Variants in PHF23 observed in about 807,000 individuals in gnomAD.
PHF23 encodes the protein PDH-containing protein JUNE-1.
In PHF23, 3 loss-of-function variants were observed where a neutral mutation model predicts 36.0. That is an observed-to-expected ratio of 0.08 (90% CI 0.04 to 0.22). The LOEUF is 0.22. Among genes scored for constraint, PHF23 ranks in the 10% least tolerant of loss-of-function variants. The pLI is 1.00. For synonymous variants in PHF23, 242 were observed against 192.5 expected, an observed-to-expected ratio of 1.26 and a Z score of -2.13; for missense variants, 475 against 513.6, an observed-to-expected ratio of 0.92 and a Z score of 0.73.
rs1277257868 is a variant in PHF23, at chr17:7,236,950, T to TC, written c.160-184dup. Among the ~76,000 whole-genome samples, 1 of 152,150 alleles carries TC rather than the reference T, an allele frequency of 6.6e-6. No homozygotes were observed. Among genetic ancestry groups the TC allele is most frequent in the Non-Finnish European group, 1.5e-5 (1 of 68,028 alleles). On this transcript the variant is annotated intron_variant, in intron 3 of 4. Transcript: ENST00000320316. This position sits in a 1 kb window ranked among gnomAD's most constrained non-coding sequence, Gnocchi z 5.1. ...CCCATCAGCATGTCCTCTTGACCAG[T>TC]CCGTGTTACCTCTACCCTCAAGTCT...
intron 1 of PHF23, chr17:7,238,439 C>G: frequency 3.7e-6 from 1 of 267,076 alleles, no homozygotes; most frequent in Non-Finnish European, 5.2e-6. Flanking sequence ...GCCCCCCCCT[C>G]CGCCCCCGTA....
In PHF23 at chr17:7,236,195, A is replaced by G. The variant is rs1394477135; in HGVS notation, c.732T>C (p.Asp244=). ...PPGPPQAPPS[D]TDSEEEEEEE... ...CTTCCTCCTCCTCTTCAGAGTCTGT[A>G]TCACTGGGGGGTGCCTGGGGAGGCC... Residue 244 remains aspartate (D), a synonymous_variant, in exon 4 of 5, where the codon GAT becomes GAC. Coordinates refer to ENST00000320316, the MANE Select transcript of PHF23 (RefSeq NM_024297.3). The surrounding 1 kb of genome is among the most constrained non-coding windows in gnomAD (Gnocchi z 5.1). 1.9e-6 allele frequency: 3 copies of G among 1,612,428 alleles called. No homozygotes were observed. The highest frequency in any genetic ancestry group is 2.5e-6 in the Non-Finnish European group (3 of 1,179,210).
rs772911899 is a variant in PHF23, at chr17:7,235,962, C to T, written c.965G>A (p.Arg322Gln). Residue 322 changes from arginine (R) to glutamine (Q), a missense_variant, in exon 4 of 5, where the codon CGG (arginine) becomes CAG (glutamine). Around this residue, in one of 5 missense-constraint regions of PHF23, gnomAD observed 40 missense variants for 111.0 expected, o/e 0.36. Coordinates refer to ENST00000320316, the MANE Select transcript of PHF23 (RefSeq NM_024297.3). ...GDASSSEGEM[R>Q]VMDEDIMVES... ...TACCATGATGTCCTCGTCCATGACCCGCATCTCGCCTTCACTGGAGCTGGC... is the reference window on the plus strand; with the variant it reads ...TACCATGATGTCCTCGTCCATGACCTGCATCTCGCCTTCACTGGAGCTGGC... 6 of 1,612,228 alleles carry T rather than the reference C, an allele frequency of 3.7e-6. No homozygotes were observed. The highest frequency in any genetic ancestry group is 1.3e-5 in the African/African-American group (1 of 74,930).
intron 1 of PHF23, chr17:7,239,013 A>G: frequency 6.9e-7 from 1 of 1,440,814 alleles, no homozygotes; most frequent in South Asian, 1.4e-5. Context: ...CCGGGTTTCA[A>G]GCTCCTATCC....
At chr17:7,239,122 GC>G in intron 1 of PHF23, 123 bp downstream of exon 1, 1 of 1,024,896 alleles carries the variant, frequency 9.8e-7, no homozygotes. Context: ...CACCTCCAGG[GC>G]CAGCCTCCCG....
intron 1 of PHF23, 65 bp downstream of exon 1, chr17:7,239,180 AG>A (rs1289838502): frequency 1.7e-6 from 2 of 1,192,722 alleles, no homozygotes; most frequent in African/African-American, 3.0e-5. Context: ...TCGACCTCCA[AG>A]TTTGCCAATT....
Position 7,237,680 on chromosome 17 carries a change from T to C in PHF23, c.35-20A>G, listed in dbSNP as rs749000270. 2.3e-5 allele frequency: 37 copies of C among 1,613,518 alleles called. No individual in the cohort carries two copies. The highest frequency in any genetic ancestry group is 3.1e-5 in the Non-Finnish European group (36 of 1,179,748). The stretch of plus-strand genomic sequence containing the variant: ...GTGGATCTGGAAAAGCAATAAAAGC[T>C]GAGTCAAGACACTAGGAACAATCTG... On this transcript the variant is annotated intron_variant, in intron 1 of 4. Coordinates refer to ENST00000320316, the MANE Select transcript of PHF23 (RefSeq NM_024297.3).
At chr17:7,239,588 A>G (rs1487432971), upstream of PHF23, 5 of 260,256 alleles carry the variant, frequency 1.9e-5, no homozygotes, top group Non-Finnish European at 3.8e-5. Context: ...CAGTGCACCA[A>G]GGGTTTTGTA....
upstream of PHF23, chr17:7,239,708 C>CG (rs1567584214): frequency 6.5e-6 from 1 of 153,786 alleles, no homozygotes; most frequent in African/African-American, 2.4e-5. Flanking sequence ...CCCCGGGGAG[C>CG]GGCGGGGAGA....
Position 7,236,068 on chromosome 17 carries a change from T to C in PHF23, c.859A>G (p.Thr287Ala), listed in dbSNP as rs1242106917. 1 of 1,613,898 alleles carries C rather than the reference T, an allele frequency of 6.2e-7. No individual in the cohort carries two copies. Among genetic ancestry groups the C allele is most frequent in the East Asian group, 2.2e-5 (1 of 44,882 alleles). The change falls in exon 4 of 5, where the codon ACA (threonine) becomes GCA (alanine). Residue 287 changes from threonine to alanine, a missense_variant. Physicochemically the swap from Thr to Ala is moderately conservative, Grantham distance 58 (BLOSUM62 0). Around this residue, in one of 5 missense-constraint regions of PHF23, gnomAD observed 350 missense variants for 319.8 expected, o/e 1.09. Transcript: ENST00000320316. The surrounding 1 kb of genome is among the most constrained non-coding windows in gnomAD (Gnocchi z 5.1). ...TPPEAPRPPA[T>A]VHPEGVPPAD... The stretch of plus-strand genomic sequence containing the variant: ...GGAGGGACTCCTTCAGGGTGCACTG[T>C]GGCAGGGGGCCTAGGAGCCTCAGGG...
chr17:7,237,506 C>T (rs780698257), intron 2 of PHF23, 29 bp from the exon 3 acceptor site: 2 of 1,608,780 alleles, frequency 1.2e-6, no homozygotes, highest in South Asian at 1.1e-5. Flanking sequence ...GGATCACATG[C>T]AAAGCCACAC....
At chr17:7,237,336 C>G in intron 3 of PHF23, 49 bp downstream of exon 3, 1 of 1,467,622 alleles carries the variant, frequency 6.8e-7, no homozygotes, top group Non-Finnish European at 9.5e-7. Context: ...AACAGTCACT[C>G]TATAGTCCCA....
In PHF23 at chr17:7,238,756, C is replaced by G. The variant is rs1244460692; in HGVS notation, c.34+490G>C. On this transcript the variant is annotated intron_variant, in intron 1 of 4. Transcript: ENST00000320316. ...CGTCTGCCGTAGACAATACCCAGAC[C>G]CCCTCTTCTCCCCACAACTACCTGC... 3 of 1,531,196 alleles carry G rather than the reference C, an allele frequency of 2.0e-6. No individual in the cohort carries two copies. In the African/African-American group the frequency reaches 4.2e-5, roughly 22 times the overall value. 94.9% of individuals were successfully genotyped at this position (1,531,196 alleles called of 1,614,324 possible).
At position 7,236,176 on chromosome 17, in the gene PHF23, C is replaced by T. The variant is rs762945945; in HGVS notation, c.751G>A (p.Glu251Lys). 4 of 1,611,758 alleles carry T rather than the reference C, an allele frequency of 2.5e-6. No homozygotes were observed. In the South Asian group the frequency reaches 3.3e-5, roughly 13 times the overall value. The change falls in exon 4 of 5, where the codon GAG becomes AAG. Residue 251 changes from glutamate (E) to lysine (K), a missense_variant. Physicochemically the swap from Glu to Lys is moderately conservative, Grantham distance 56. Coordinates refer to ENST00000320316, the MANE Select transcript of PHF23 (RefSeq NM_024297.3). This position sits in a 1 kb window ranked among gnomAD's most constrained non-coding sequence, Gnocchi z 5.1. ...PPSDTDSEEE[E>K]EEEEEEEEEE... ...TCTTCTTCCTCTTCCTCCTCTTCCTCCTCCTCTTCAGAGTCTGTATCACTG... is the reference window on the plus strand; with the variant it reads ...TCTTCTTCCTCTTCCTCCTCTTCCTTCTCCTCTTCAGAGTCTGTATCACTG...
Position 7,236,379 on chromosome 17 carries a change from C to T in PHF23, c.548G>A (p.Arg183Gln), listed in dbSNP as rs371347809. 26 of 1,613,992 alleles carry T rather than the reference C, an allele frequency of 1.6e-5. No homozygotes were observed. Among genetic ancestry groups the T allele is most frequent in the African/African-American group, 9.3e-5 (7 of 74,894 alleles). Reference sequence around the variant, plus strand: ...TCCTGGCCCCAACTTTCGGTTCTTTCGGTCCTTCTTTCGAGGAGGATGGGA... The same window carrying T: ...TCCTGGCCCCAACTTTCGGTTCTTTTGGTCCTTCTTTCGAGGAGGATGGGA... The part of the protein sequence containing the change: ...DLSHPPRKKD[R>Q]KNRKLGPGAG... The change falls in exon 4 of 5, where the codon CGA becomes CAA. Residue 183 changes from arginine (R) to glutamine (Q), a missense_variant. By Grantham distance (43) the Arg-to-Gln change is conservative. Transcript: ENST00000320316. The surrounding 1 kb of genome is among the most constrained non-coding windows in gnomAD (Gnocchi z 5.1).
In PHF23 at chr17:7,237,459, T is replaced by G; in HGVS notation, c.85A>C (p.Arg29=). The G allele has an allele frequency of 6.2e-7, 1 of 1,614,022 alleles. No homozygotes were observed. Among genetic ancestry groups the G allele is most frequent in the Non-Finnish European group, 8.5e-7 (1 of 1,179,976 alleles). The part of the protein sequence containing the change: ...PETQPPEKRR[R]TIEDFNKFCS... ...AATTTGTTGAAATCCTCAATTGTTC[T>G]CCGCCGTTTCTCTGGTGGCTGAAAG... is the stretch of plus-strand genomic sequence containing the variant. The change falls in exon 3 of 5, where the codon AGA becomes CGA. Residue 29 remains arginine, a synonymous_variant. Transcript: ENST00000320316.
rs1372670478 is a variant in PHF23, at chr17:7,235,422, T to C, written c.*204A>G. ...ACAGACAGCCTCCCATCCCCAACCGTAATGGATTCAATTTCAAGTCCACAG... is the reference window on the plus strand; with the variant it reads ...ACAGACAGCCTCCCATCCCCAACCGCAATGGATTCAATTTCAAGTCCACAG... On this transcript the variant is annotated 3_prime_UTR_variant, in exon 5 of 5. Transcript: ENST00000320316. The C allele has an allele frequency of 3.3e-6, 2 of 597,964 alleles. No individual in the cohort carries two copies. Among genetic ancestry groups the C allele is most frequent in the East Asian group, 5.8e-5 (2 of 34,754 alleles). The allele number at this position is 597,964 out of a possible 1,614,324, so 37.0% of individuals were successfully genotyped here. A position where few individuals can be genotyped will look rare whatever the true frequency, so the allele number is the denominator to read the frequency against.
rs1195456642 is a variant in PHF23 at position 7,236,231 on chromosome 17, G to A, written c.696C>T (p.Leu232=). 1.9e-6 allele frequency: 3 copies of A among 1,613,388 alleles called. No individual in the cohort carries two copies. In the South Asian group the frequency reaches 3.3e-5, roughly 18 times the overall value. ...GTGCCTGGGGAGGCCCAGGAGGTGG[G>A]AGTCTATCCCCCCGTTCTGCCTTTT... is the stretch of plus-strand genomic sequence containing the variant. ...KLKKAERGDR[L]PPPGPPQAPP... is the part of the protein sequence containing the mutation. Residue 232 remains leucine, a synonymous_variant, in exon 4 of 5, where the codon CTC becomes CTT. Coordinates refer to ENST00000320316, the MANE Select transcript of PHF23 (RefSeq NM_024297.3). The surrounding 1 kb of genome is among the most constrained non-coding windows in gnomAD (Gnocchi z 5.1).
chr17:7,237,731 T>C, intron 1 of PHF23, 71 bp from the exon 2 acceptor site: 4 of 1,571,176 alleles, frequency 2.5e-6, no homozygotes, highest in Non-Finnish European at 3.5e-6. Context: ...CTAAACCCCG[T>C]TGTTCCTAAG....
Sources: allele counts gnomAD v4.1 joint callset (sites outside exome capture counted in the v4.1 genomes callset), GRCh38; gene constraint gnomAD v4.1.1; regional missense constraint gnomAD v4.1.1; non-coding constraint Gnocchi (gnomAD v3.1); transcripts MANE v1.5; gene names NCBI Gene and HGNC (gene_info 2026-07-23, HGNC 2026-07-21).